ZNF197: variants seen among roughly 807,000 people sequenced by gnomAD.
The protein encoded by ZNF197 is zinc finger protein 197.
Under a neutral mutation model 27.4 loss-of-function variants are expected in ZNF197, and 14 were observed. The observed-to-expected ratio is 0.51, with a 90% confidence interval of 0.34 to 0.80. The LOEUF (loss-of-function observed/expected upper bound fraction) is 0.80. Among genes scored for constraint, ZNF197 ranks in the 30% least tolerant of loss-of-function variants. The pLI is 0.02. For missense variants in ZNF197, 1,090 were observed against 1,222.6 expected (o/e 0.89, Z 1.62); for synonymous variants, 415 against 420.0 (o/e 0.99, Z 0.15).
intron 5 of ZNF197, 81 bp downstream of exon 5, chr3:44,632,680 G>C (rs1038329260): frequency 1.3e-5 from 18 of 1,352,534 alleles, no homozygotes; most frequent in Non-Finnish European, 1.7e-5. Context: ...TAGCATATAT[G>C]TATTTTGGAA....
intron 5 of ZNF197, among the ~76,000 whole-genome samples, chr3:44,634,735 C>A (rs1702191773): frequency 6.6e-6 from 1 of 152,198 alleles, no homozygotes; most frequent in Non-Finnish European, 1.5e-5. Flanking sequence ...TAGGCGTGAG[C>A]CACCATACCC....
intron 5 of ZNF197, among the ~76,000 whole-genome samples, chr3:44,633,337 G>A (rs1249650166): frequency 6.6e-6 from 1 of 152,206 alleles, no homozygotes; most frequent in Non-Finnish European, 1.5e-5. Context: ...CTGTGAAAAT[G>A]ATGTGATTCG....
rs528007422 is a variant in ZNF197 at position 44,632,368 on chromosome 3, A to G, written c.643-105A>G. On this transcript the variant is annotated intron_variant, in intron 4 of 5. Transcript: ENST00000344387. The stretch of plus-strand genomic sequence containing the variant: ...TCCTTATGTCTCCCTGATGTCTGTT[A>G]TGCACTCATGGCCTCACAGTGTATC... 115 of 1,517,954 alleles carry G rather than the reference A, an allele frequency of 7.6e-5. No homozygotes were observed. In the South Asian group the frequency reaches 1.4e-3, roughly 18 times the overall value. The allele number at this position is 1,517,954 out of a possible 1,614,324, so 94.0% of individuals were successfully genotyped here.
At position 44,632,501 on chromosome 3, in the gene ZNF197, T is replaced by C. The variant is rs779573376; in HGVS notation, c.671T>C (p.Val224Ala). 6.2e-7 allele frequency: 1 copy of C among 1,607,080 alleles called. No homozygotes were observed. The highest frequency in any genetic ancestry group is 1.7e-5 in the Admixed American group (1 of 58,172). ...TTGGTGATGTTCGAGGAGGTGTCAG[T>C]ATGCTTCACTTCAGAGGAATGGGCA... ...QELVMFEEVSVCFTSEEWACL... is the reference protein window; with the variant it reads ...QELVMFEEVSACFTSEEWACL... Residue 224 changes from valine to alanine, a missense_variant, in exon 5 of 6, where the codon GTA (valine) becomes GCA (alanine). Physicochemically the swap from Val to Ala is moderately conservative, Grantham distance 64 (BLOSUM62 0). Transcript: ENST00000344387.
chr3:44,627,578 A>G (rs975827453), intron 1 of ZNF197, among the ~76,000 whole-genome samples: 2 of 152,128 alleles, frequency 1.3e-5, no homozygotes, highest in Admixed American at 6.5e-5. Context: ...CATGCCTGTA[A>G]TCTCAGCACT....
At chr3:44,637,006 G>A (rs12635624) in intron 5 of ZNF197, among the ~76,000 whole-genome samples, 59,040 of 151,886 alleles carry the variant, frequency 0.39, 12,598 homozygotes, top group East Asian at 0.83. Context: ...GTACGTCTTC[G>A]GAGAAAACTG....
chr3:44,637,241 A>T (rs535778238), intron 5 of ZNF197, among the ~76,000 whole-genome samples: 11 of 151,974 alleles, frequency 7.2e-5, no homozygotes, highest in African/African-American at 2.4e-4. Flanking sequence ...CGATCCTCTC[A>T]CCTCAGCCTC....
chr3:44,639,060 G>A (rs1702457403), intron 5 of ZNF197, among the ~76,000 whole-genome samples: 2 of 152,008 alleles, frequency 1.3e-5, no homozygotes, highest in Non-Finnish European at 2.9e-5. Context: ...ACCATGGAGT[G>A]TTTTATCTAT....
intron 5 of ZNF197, among the ~76,000 whole-genome samples, chr3:44,637,300 A>G (rs994336734): frequency 6.6e-5 from 10 of 151,730 alleles, no homozygotes; most frequent in Non-Finnish European, 1.3e-4. Context: ...GCTAATTTTA[A>G]AATTTTTTGT....
At position 44,645,353 on chromosome 3, in the gene ZNF197, A is replaced by G. The variant is rs922769085; in HGVS notation, c.*1133A>G. 1 of 984,694 alleles carries G rather than the reference A, an allele frequency of 1.0e-6. No homozygotes were observed. The highest frequency in any genetic ancestry group is 1.2e-6 in the Non-Finnish European group (1 of 829,954). The allele number at this position is 984,694 out of a possible 1,614,324, so 61.0% of individuals were successfully genotyped here. A position where few individuals can be genotyped will look rare whatever the true frequency, so the allele number is the denominator to read the frequency against. On this transcript the variant is annotated 3_prime_UTR_variant, in exon 6 of 6. Transcript: ENST00000344387. ...GAGGGGGATTCCAGGAACCTAAAAG[A>G]TACTCATTTTCATAAGAGGAAGTAT...
Position 44,646,281 on chromosome 3 carries a change from GGTT to G in ZNF197, c.*2066_*2068del. ...AATGAATATAAAAATGTTTCATCCA[GGTT>G]GTTGAATCATCCCAGCTTATATAAT... On this transcript the variant is annotated 3_prime_UTR_variant, in exon 6 of 6. Coordinates refer to ENST00000344387, the MANE Select transcript of ZNF197 (RefSeq NM_006991.5). 5.1e-6 allele frequency: 5 copies of G among 985,296 alleles called. No individual in the cohort carries two copies. Among genetic ancestry groups the G allele is most frequent in the Non-Finnish European group, 6.0e-6 (5 of 829,836 alleles). 61.0% of individuals were successfully genotyped at this position (985,296 alleles called of 1,614,324 possible). A position where few individuals can be genotyped will look rare whatever the true frequency, so the allele number is the denominator to read the frequency against.
chr3:44,642,701 G>C lies in ZNF197; in HGVS notation c.1571G>C (p.Ser524Thr). The change falls in exon 6 of 6, where the codon AGC becomes ACC. Residue 524 changes from serine to threonine, a missense_variant. Transcript: ENST00000344387. ...KCQKAFILKK[S>T]LILHQRIHSG... ...CAGAAAGCTTTCATTCTGAAGAAGA[G>C]CCTCATTCTGCACCAGAGAATCCAC... The C allele has an allele frequency of 1.2e-6, 2 of 1,613,958 alleles. No individual in the cohort carries two copies. Among genetic ancestry groups the C allele is most frequent in the Admixed American group, 1.7e-5 (1 of 60,024 alleles).
chr3:44,647,974 A>G lies in ZNF197; in HGVS notation c.*3754A>G, dbSNP rs1420990987. On this transcript the variant is annotated 3_prime_UTR_variant, in exon 6 of 6. Coordinates refer to ENST00000344387, the MANE Select transcript of ZNF197 (RefSeq NM_006991.5). Reference sequence around the variant, plus strand: ...TTGATTTCCTTTTTCATTTTATGTAAGATGTAACCATGAGGGGAAAGTGGG... The same window carrying G: ...TTGATTTCCTTTTTCATTTTATGTAGGATGTAACCATGAGGGGAAAGTGGG... The G allele has an allele frequency of 6.6e-6, 1 of 152,196 alleles. No individual in the cohort carries two copies. Among genetic ancestry groups the G allele is most frequent in the Non-Finnish European group, 1.5e-5 (1 of 68,044 alleles). 9.4% of individuals were successfully genotyped at this position (152,196 alleles called of 1,614,324 possible).
intron 1 of ZNF197, among the ~76,000 whole-genome samples, chr3:44,628,120 A>G (rs1216881954): frequency 6.6e-6 from 1 of 152,224 alleles, no homozygotes; most frequent in African/African-American, 2.4e-5. Flanking sequence ...GCAGAGATGT[A>G]ACTAAAAATT....
At chr3:44,632,985 G>T in intron 5 of ZNF197, among the ~76,000 whole-genome samples, 1 of 152,134 alleles carries the variant, frequency 6.6e-6, no homozygotes, top group Middle Eastern at 3.2e-3. Flanking sequence ...ATAATCATCT[G>T]TCTCTGTGCC....
chr3:44,644,067 C>A lies in ZNF197; in HGVS notation c.2937C>A (p.Ile979=), dbSNP rs1702806891. Residue 979 remains isoleucine, a synonymous_variant, in exon 6 of 6, where the codon ATC becomes ATA. Coordinates refer to ENST00000344387, the MANE Select transcript of ZNF197 (RefSeq NM_006991.5). The part of the protein sequence containing the change: ...QRKNLTVHQK[I]HTDEKPCECD... ...AAAACCTTACTGTACATCAGAAAAT[C>A]CACACAGATGAAAAACCTTGTGAAT... 1 of 1,613,940 alleles carries A rather than the reference C, an allele frequency of 6.2e-7. No homozygotes were observed. Among genetic ancestry groups the A allele is most frequent in the African/African-American group, 1.3e-5 (1 of 74,906 alleles).
In ZNF197 at chr3:44,646,542, CAG is replaced by C; in HGVS notation, c.*2324_*2325del. 8.0e-7 allele frequency: 1 copy of C among 1,254,448 alleles called. No homozygotes were observed. The allele number at this position is 1,254,448 out of a possible 1,614,324, so 77.7% of individuals were successfully genotyped here. On this transcript the variant is annotated 3_prime_UTR_variant, in exon 6 of 6. Transcript: ENST00000344387. ...AACAAATAAAAGACACCACGAGAAA[CAG>C]ACACATCCAGAACGTGGAATATTGC...
chr3:44,642,600 C>G lies in ZNF197; in HGVS notation c.1470C>G (p.Val490=), dbSNP rs774680649. 175 of 1,613,728 alleles carry G rather than the reference C, an allele frequency of 1.1e-4. No individual in the cohort carries two copies. The highest frequency in any genetic ancestry group is 1.4e-4 in the Non-Finnish European group (169 of 1,179,888). ...RPYKCNECGK[V]FSQNAYLIDH... ...ATAAGTGTAATGAATGTGGGAAAGT[C>G]TTCTCTCAGAATGCTTACCTCATTG... Residue 490 remains valine, a synonymous_variant, in exon 6 of 6, where the codon GTC becomes GTG. Transcript: ENST00000344387.
chr3:44,625,379 G>C (rs1431456351), intron 1 of ZNF197, among the ~76,000 whole-genome samples: 1 of 152,216 alleles, frequency 6.6e-6, no homozygotes, highest in Non-Finnish European at 1.5e-5. Context: ...TTGTGGACCG[G>C]TGCTCCTGTC....
Sources: gnomAD v4.1 joint callset for allele counts (sites outside exome capture counted in the v4.1 genomes callset) on GRCh38, gnomAD v4.1.1 for gene constraint, MANE v1.5 for transcripts, NCBI Gene and HGNC (gene_info 2026-07-23, HGNC 2026-07-21) for gene names.